TCEA3: variants seen among roughly 807,000 people sequenced by gnomAD.
TCEA3 encodes the protein transcription elongation factor A protein 3.
TCEA3 carries 36 observed loss-of-function variants against 44.0 expected under a neutral mutation model. That is an observed-to-expected ratio of 0.82 (90% confidence interval 0.63 to 1.08). The LOEUF is 1.08. TCEA3 is among the 50% of genes least tolerant of loss of function. The probability of loss-of-function intolerance (pLI) is 0.00; values close to 1 mark genes in which losing one functional copy is unlikely to be tolerated. For synonymous variants in TCEA3, 162 were observed against 159.7 expected, an observed-to-expected ratio of 1.01 and a Z score of -0.11; for missense variants, 392 against 441.2, an observed-to-expected ratio of 0.89 and a Z score of 1.00.
intron 5 of TCEA3, among the ~76,000 whole-genome samples, chr1:23,399,144 G>GTGTATATATATATA (rs751608613): frequency 3.3e-5 from 2 of 61,164 alleles, no homozygotes; most frequent in African/African-American, 1.1e-4. Context: ...ATGTATATAT[G>GTGTATATATATATA]TATATATATA....
At chr1:23,393,184 T>C (rs1037335921) in intron 8 of TCEA3, among the ~76,000 whole-genome samples, 5 of 152,066 alleles carry the variant, frequency 3.3e-5, no homozygotes, top group African/African-American at 1.2e-4. Flanking sequence ...CCGTCACTGA[T>C]CTGACAGGAG....
chr1:23,384,276 G>C (rs758534384), intron 10 of TCEA3, 70 bp downstream of exon 10: 1 of 1,611,580 alleles, frequency 6.2e-7, no homozygotes, highest in Admixed American at 1.7e-5. Context: ...CTGGGTTGTG[G>C]GTACACTACG....
chr1:23,409,913 G>T (rs978249700), intron 4 of TCEA3, among the ~76,000 whole-genome samples: 2 of 152,012 alleles, frequency 1.3e-5, no homozygotes, highest in African/African-American at 2.4e-5. Context: ...CACAAGAGCA[G>T]CATTTGGTGG....
chr1:23,422,642 C>A (rs1398576650), intron 1 of TCEA3, among the ~76,000 whole-genome samples: 1 of 152,136 alleles, frequency 6.6e-6, no homozygotes, highest in Non-Finnish European at 1.5e-5. Flanking sequence ...CAGACACTGC[C>A]GAGAGCCCAG....
chr1:23,419,166 G>A (rs774391583), intron 1 of TCEA3, 27 bp from the exon 2 acceptor site: 3 of 1,568,040 alleles, frequency 1.9e-6, no homozygotes, highest in South Asian at 2.3e-5. Flanking sequence ...GGTGAGGACT[G>A]GGGCCTGGGT....
At position 23,424,703 on chromosome 1, in the gene TCEA3, G is replaced by T; in HGVS notation, c.-70C>A. ...GTAGGGCCTCGGGGGCAGGAGGCGCGAAGGCGGAGGGCGCGCAACCCGCGC... is the reference window on the plus strand; with the variant it reads ...GTAGGGCCTCGGGGGCAGGAGGCGCTAAGGCGGAGGGCGCGCAACCCGCGC... On this transcript the variant is annotated 5_prime_UTR_variant, in exon 1 of 11. Transcript: ENST00000450454. The T allele has an allele frequency of 3.2e-6, 4 of 1,265,476 alleles. No homozygotes were observed. The highest frequency in any genetic ancestry group is 2.5e-5 in the South Asian group (2 of 78,686). 78.4% of individuals were successfully genotyped at this position (1,265,476 alleles called of 1,614,324 possible). A position where few individuals can be genotyped will look rare whatever the true frequency, so the allele number is the denominator to read the frequency against.
At chr1:23,399,134 A>ATGTGTGTG (rs1434173032) in intron 5 of TCEA3, among the ~76,000 whole-genome samples, 3 of 74,776 alleles carry the variant, frequency 4.0e-5, no homozygotes, top group Admixed American at 1.8e-4. Context: ...GTTTATATAT[A>ATGTGTGTG]TGTATATATG....
intron 8 of TCEA3, among the ~76,000 whole-genome samples, chr1:23,388,080 C>G (rs917288398): frequency 3.3e-5 from 5 of 152,154 alleles, no homozygotes; most frequent in African/African-American, 1.2e-4. Flanking sequence ...GTCCATCTCC[C>G]TGGCCACTTG....
At chr1:23,396,384 G>A (rs1236219587) in intron 7 of TCEA3, among the ~76,000 whole-genome samples, 1 of 151,312 alleles carries the variant, frequency 6.6e-6, no homozygotes, top group Non-Finnish European at 1.5e-5. Flanking sequence ...TGGGGGCCAA[G>A]TGGGGTGGGA....
In TCEA3 at chr1:23,400,373, C is replaced by CTTTTT. The variant is rs67325313; in HGVS notation, c.444-2423_444-2419dup. Among the ~76,000 whole-genome samples the CTTTTT allele has an allele frequency of 1.1e-3, 146 of 133,462 alleles. 6 individuals carry two copies. In the South Asian group the frequency reaches 0.031, roughly 28 times the overall value. The allele number at this position is 133,462 out of a possible 152,430, so 87.6% of individuals were successfully genotyped here. ...TACAGGCAGATGCCGCCACACCAGGCTTTTTTTTTTTTTTTGTAGAAATGG... is the reference window on the plus strand; with the variant it reads ...TACAGGCAGATGCCGCCACACCAGGCTTTTTTTTTTTTTTTTTTTTGTAGAAATGG... On this transcript the variant is annotated intron_variant, in intron 5 of 10. Coordinates refer to ENST00000450454, the MANE Select transcript of TCEA3 (RefSeq NM_003196.3).
At chr1:23,408,861 G>T in intron 4 of TCEA3, 135 bp from the exon 5 acceptor site, 1 of 746,530 alleles carries the variant, frequency 1.3e-6, no homozygotes, top group Non-Finnish European at 2.2e-6. Flanking sequence ...ACAGCTACTT[G>T]GGAGAGGGAG....
At chr1:23,413,813 G>T (rs1214275174) in intron 4 of TCEA3, among the ~76,000 whole-genome samples, 2 of 151,966 alleles carry the variant, frequency 1.3e-5, no homozygotes, top group Non-Finnish European at 2.9e-5. Flanking sequence ...TTCTTCTTGT[G>T]CTTGATTTTC....
intron 8 of TCEA3, among the ~76,000 whole-genome samples, chr1:23,388,421 C>T (rs1638920462): frequency 6.6e-6 from 1 of 152,062 alleles, no homozygotes; most frequent in South Asian, 2.1e-4. Flanking sequence ...TGGTCTCGAT[C>T]TCCTGACCTT....
At chr1:23,385,620 G>A (rs1638814328) in intron 9 of TCEA3, among the ~76,000 whole-genome samples, 2 of 152,248 alleles carry the variant, frequency 1.3e-5, no homozygotes, top group Admixed American at 1.3e-4. Context: ...GTGCCGAACA[G>A]ACGGAGAACT....
chr1:23,396,285 CTT>C (rs1475996957), intron 7 of TCEA3, among the ~76,000 whole-genome samples: 2 of 152,190 alleles, frequency 1.3e-5, no homozygotes, highest in Non-Finnish European at 2.9e-5. Flanking sequence ...CGGTGTGACA[CTT>C]AGACTTCCTG....
At chr1:23,386,814 G>A (rs1050016769) in intron 9 of TCEA3, among the ~76,000 whole-genome samples, 13 of 151,816 alleles carry the variant, frequency 8.6e-5, no homozygotes, top group East Asian at 5.8e-4. Context: ...TCCACCTCCC[G>A]GGTTCACGCC....
At chr1:23,386,397 C>G (rs1162187832) in intron 9 of TCEA3, among the ~76,000 whole-genome samples, 2 of 152,094 alleles carry the variant, frequency 1.3e-5, no homozygotes, top group Non-Finnish European at 2.9e-5. Context: ...ACTACCAAGC[C>G]TGGCTAATTT....
intron 2 of TCEA3, 91 bp downstream of exon 2, chr1:23,418,986 C>T: frequency 9.2e-7 from 1 of 1,081,960 alleles, no homozygotes; most frequent in South Asian, 2.0e-5. Context: ...GAAATTCCTC[C>T]CAGACTCCAC....
At chr1:23,405,544 C>T (rs1358198180) in intron 5 of TCEA3, among the ~76,000 whole-genome samples, 2 of 151,818 alleles carry the variant, frequency 1.3e-5, no homozygotes, top group African/African-American at 4.8e-5. Context: ...TGCACTGAGC[C>T]GAGATCGTGC....
Sources: allele counts gnomAD v4.1 joint callset (sites outside exome capture counted in the v4.1 genomes callset), GRCh38; gene constraint gnomAD v4.1.1; transcripts MANE v1.5; gene names NCBI Gene and HGNC (gene_info 2026-07-23, HGNC 2026-07-21).